TMEM50B: variants seen among roughly 807,000 people sequenced by gnomAD.
TMEM50B encodes transmembrane protein 50B, also known as HCV p7-trans-regulated protein 3.
TMEM50B carries 14 observed loss-of-function variants against 23.4 expected under a neutral mutation model. That is an observed-to-expected ratio of 0.60 (90% CI 0.39 to 0.93). The LOEUF (loss-of-function observed/expected upper bound fraction) is 0.93. Ranked by LOEUF, TMEM50B falls within the 40% of genes least tolerant of loss-of-function variation. TMEM50B has a pLI of 0.00. For synonymous variants in TMEM50B, 64 were observed against 62.3 expected (o/e 1.03, Z -0.13); for missense variants, 159 against 193.0 (o/e 0.82, Z 1.04).
At chr21:33,463,964 C>T (rs938936240) in intron 4 of TMEM50B, among the ~76,000 whole-genome samples, 2 of 152,172 alleles carry the variant, frequency 1.3e-5, no homozygotes, top group Non-Finnish European at 2.9e-5. Context: ...TTTTATTATA[C>T]TTAAATTATA....
intron 7 of TMEM50B, among the ~76,000 whole-genome samples, chr21:33,440,424 C>T (rs1055196372): frequency 6.6e-6 from 1 of 151,352 alleles, no homozygotes; most frequent in African/African-American, 2.4e-5. Context: ...ACCGTCTCTA[C>T]TAAAAATACA....
chr21:33,471,800 C>T (rs1028456411), intron 1 of TMEM50B, among the ~76,000 whole-genome samples: 4 of 152,006 alleles, frequency 2.6e-5, no homozygotes, highest in Non-Finnish European at 5.9e-5. Flanking sequence ...CTTTGGGAGG[C>T]CGAGGCAGGC....
Position 33,467,118 on chromosome 21 carries a change from A to G in TMEM50B, c.104T>C (p.Phe35Ser), listed in dbSNP as rs1450354634. ...VASVVAGILF[F>S]TGWWIMIDAA... ...ATCAATCATTATCCACCAGCCTGTA[A>G]AAAACTTAAAACACAGCCCAAGTCA... Residue 35 changes from phenylalanine (F) to serine (S), a missense_variant, in exon 3 of 7, where the codon TTT becomes TCT. Phe to Ser is a radical substitution (Grantham distance 155, BLOSUM62 -2). Transcript: ENST00000542230. The G allele has an allele frequency of 6.2e-7, 1 of 1,613,728 alleles. No individual in the cohort carries two copies. Among genetic ancestry groups the G allele is most frequent in the African/African-American group, 1.3e-5 (1 of 74,930 alleles).
At chr21:33,452,321 A>C (rs557209199) in intron 6 of TMEM50B, among the ~76,000 whole-genome samples, 1 of 152,208 alleles carries the variant, frequency 6.6e-6, no homozygotes, top group Non-Finnish European at 1.5e-5. Context: ...CCACATGGCT[A>C]GAGTTTGCCA....
intron 6 of TMEM50B, among the ~76,000 whole-genome samples, chr21:33,454,873 T>C (rs2084154904): frequency 6.6e-6 from 1 of 151,990 alleles, no homozygotes; most frequent in African/African-American, 2.4e-5. Context: ...TCCCAGCACT[T>C]TGGGAGGCCG....
Position 33,436,865 on chromosome 21 carries a change from T to C in TMEM50B, c.*2120+2349A>G, listed in dbSNP as rs372258499. On this transcript the variant is annotated intron_variant and NMD_transcript_variant, in intron 8 of 8. Coordinates refer to the TMEM50B transcript ENST00000420455. The stretch of plus-strand genomic sequence containing the variant: ...CCAACTCAGCCCATCTTAGAGGCCT[T>C]GGACAAGGACAGCTCACCAAAGGAT... The C allele has an allele frequency of 1.3e-5, 21 of 1,614,040 alleles. No individual in the cohort carries two copies. The highest frequency in any genetic ancestry group is 1.4e-5 in the Non-Finnish European group (17 of 1,179,968).
intron 8 of TMEM50B, among the ~76,000 whole-genome samples, chr21:33,434,451 G>A (rs979452354): frequency 4.6e-5 from 7 of 152,190 alleles, no homozygotes; most frequent in Non-Finnish European, 4.4e-5. Context: ...GAACCCAGGA[G>A]GTGGAAGTTA....
chr21:33,441,765 G>C (rs1330257628), intron 7 of TMEM50B, among the ~76,000 whole-genome samples: 1 of 152,150 alleles, frequency 6.6e-6, no homozygotes, highest in African/African-American at 2.4e-5. Flanking sequence ...TAGTAGCTGG[G>C]ACTACAGGCA....
chr21:33,458,284 T>A lies in TMEM50B; in HGVS notation c.373+2129A>T, dbSNP rs532647325. Among the ~76,000 whole-genome samples, 3 of 152,212 alleles carry A rather than the reference T, an allele frequency of 2.0e-5. No individual in the cohort carries two copies. In the South Asian group the frequency reaches 6.2e-4, roughly 32 times the overall value. On this transcript the variant is annotated intron_variant, in intron 5 of 6. Coordinates refer to ENST00000542230, the MANE Select transcript of TMEM50B (RefSeq NM_006134.7). ...ATACCAGCACTTTGGGAGGCTGAGGTGGGTGGATCACCTGAGGTCAGGAAT... is the reference window on the plus strand; with the variant it reads ...ATACCAGCACTTTGGGAGGCTGAGGAGGGTGGATCACCTGAGGTCAGGAAT...
chr21:33,444,817 A>AAAAAAAAAAAG (rs1271815428), downstream of TMEM50B, among the ~76,000 whole-genome samples: 1 of 150,494 alleles, frequency 6.6e-6, no homozygotes, highest in Non-Finnish European at 1.5e-5. Context: ...AAAAAAAAAA[A>AAAAAAAAAAAG]AAAGAAAGAA....
At chr21:33,432,928 C>T in intron 8 of TMEM50B, 1 of 1,420,408 alleles carries the variant, frequency 7.0e-7, no homozygotes, top group Admixed American at 1.8e-5. Context: ...CTCTGTTGCC[C>T]AGGCGGGAGT....
chr21:33,432,655 C>G (rs2083900335), exon 9 of TMEM50B: 6 of 1,569,710 alleles, frequency 3.8e-6, no homozygotes, highest in Non-Finnish European at 5.3e-6. Flanking sequence ...GGAACATTAA[C>G]TGATGTTTGT....
intron 1 of TMEM50B, among the ~76,000 whole-genome samples, chr21:33,471,039 G>T (rs978894967): frequency 6.6e-6 from 1 of 152,162 alleles, no homozygotes; most frequent in African/African-American, 2.4e-5. Context: ...GGCTTGAGAT[G>T]CCAGAAGATG....
At chr21:33,433,263 C>T (rs949324472) in intron 8 of TMEM50B, among the ~76,000 whole-genome samples, 3 of 152,116 alleles carry the variant, frequency 2.0e-5, no homozygotes, top group Non-Finnish European at 2.9e-5. Context: ...TGGGCAAAGC[C>T]GTGGACACAG....
chr21:33,460,579 G>C (rs1315469986), intron 4 of TMEM50B, 74 bp from the exon 5 acceptor site: 1 of 803,658 alleles, frequency 1.2e-6, no homozygotes, highest in African/African-American at 1.7e-5. Context: ...CATAATACTA[G>C]GAGCCCTGTT....
At chr21:33,436,269 C>T (rs2083949843) in intron 8 of TMEM50B, among the ~76,000 whole-genome samples, 1 of 151,226 alleles carries the variant, frequency 6.6e-6, no homozygotes, top group African/African-American at 2.4e-5. Context: ...GCAGAGGTTG[C>T]AGTGAGATGA....
chr21:33,475,772 T>G (rs573892387), intron 1 of TMEM50B, among the ~76,000 whole-genome samples: 15 of 151,866 alleles, frequency 9.9e-5, no homozygotes, highest in East Asian at 5.9e-4. Flanking sequence ...GGCTAACACG[T>G]TGAAACCCCA....
At position 33,455,929 on chromosome 21, in the gene TMEM50B, A is replaced by C; in HGVS notation, c.374-145T>G. On this transcript the variant is annotated intron_variant, in intron 5 of 6. Coordinates refer to ENST00000542230, the MANE Select transcript of TMEM50B (RefSeq NM_006134.7). ...CTGTAAGACATCTATAATGAAACTG[A>C]AAGAAGAAAATGCCAATTTAATTCC... The C allele has an allele frequency of 1.4e-5, 10 of 723,590 alleles. No homozygotes were observed. In the South Asian group the frequency reaches 1.5e-4, roughly 11 times the overall value. The allele number at this position is 723,590 out of a possible 1,614,324, so 44.8% of individuals were successfully genotyped here.
intron 1 of TMEM50B, among the ~76,000 whole-genome samples, chr21:33,478,011 T>C (rs2084390248): frequency 6.6e-6 from 1 of 151,042 alleles, no homozygotes; most frequent in Non-Finnish European, 1.5e-5. Context: ...GGTGGGCGCC[T>C]GTAGTCCCAA....
Sources: allele counts gnomAD v4.1 joint callset (sites outside exome capture counted in the v4.1 genomes callset), GRCh38; gene constraint gnomAD v4.1.1; transcripts MANE v1.5; gene names NCBI Gene and HGNC (gene_info 2026-07-23, HGNC 2026-07-21).